MCHR2: variants seen among roughly 807,000 people sequenced by gnomAD.
MCHR2 encodes the protein melanin-concentrating hormone receptor 2.
Under a neutral mutation model 24.8 loss-of-function variants are expected in MCHR2, and 15 were observed. That is an observed-to-expected ratio of 0.60 (90% CI 0.40 to 0.93). MCHR2 has a LOEUF of 0.93. Among genes scored for constraint, MCHR2 ranks in the 40% least tolerant of loss-of-function variants. The pLI is 0.00. For synonymous variants in MCHR2, 151 were observed against 147.6 expected (o/e 1.02, Z -0.17); for missense variants, 386 against 408.7 (o/e 0.94, Z 0.48).
intron 5 of MCHR2, among the ~76,000 whole-genome samples, chr6:99,928,207 A>G (rs1774414179): frequency 6.6e-6 from 1 of 152,314 alleles, no homozygotes; most frequent in Admixed American, 6.5e-5. Flanking sequence ...ATGGTGGATA[A>G]GCTTTTTGAT....
intron 1 of MCHR2, among the ~76,000 whole-genome samples, chr6:99,991,808 CAAAAAAA>C (rs3038469): frequency 4.9e-5 from 4 of 82,060 alleles, no homozygotes; most frequent in South Asian, 5.7e-4. Context: ...GACTCCGTCT[CAAAAAAA>C]AAAAAAAAAA....
chr6:99,918,795 C>T lies in MCHR2; in HGVS notation c.*2145G>A, dbSNP rs181879604. On this transcript the variant is annotated 3_prime_UTR_variant, in exon 6 of 6. Coordinates refer to ENST00000281806, the MANE Select transcript of MCHR2 (RefSeq NM_001040179.2). The stretch of plus-strand genomic sequence containing the variant: ...GGGACAAAAATAAATTTATTAATCA[C>T]CCTTTTTATTTTCTACTTTGATTAA... Among the ~76,000 whole-genome samples the T allele has an allele frequency of 6.6e-6, 1 of 152,186 alleles. No individual in the cohort carries two copies.
intron 1 of MCHR2, among the ~76,000 whole-genome samples, chr6:99,981,629 T>C (rs1042750545): frequency 1.3e-5 from 2 of 152,200 alleles, no homozygotes; most frequent in African/African-American, 4.8e-5. Flanking sequence ...AAGGCTGTTG[T>C]GAGGAAATGA....
At chr6:99,947,715 C>G in intron 3 of MCHR2, 47 bp downstream of exon 3, 1 of 1,573,262 alleles carries the variant, frequency 6.4e-7, no homozygotes, top group South Asian at 1.2e-5. Flanking sequence ...TGGGGAAGCA[C>G]AGGCACCTCT....
At chr6:99,969,313 A>G (rs527633772) in intron 1 of MCHR2, among the ~76,000 whole-genome samples, 1 of 151,942 alleles carries the variant, frequency 6.6e-6, no homozygotes, top group South Asian at 2.1e-4. Context: ...CTCTCTACTA[A>G]AAATACAAAA....
chr6:99,934,576 A>G, intron 4 of MCHR2, 59 bp from the exon 5 acceptor site: 16 of 1,415,416 alleles, frequency 1.1e-5, no homozygotes, highest in Non-Finnish European at 1.4e-5. Context: ...CATTAATTGG[A>G]TTAGGAATTG....
In MCHR2 at chr6:99,923,756, C is replaced by A. The variant is rs1236550227; in HGVS notation, c.708-2501G>T. Among the ~76,000 whole-genome samples the A allele has an allele frequency of 2.6e-5, 4 of 152,026 alleles. No homozygotes were observed. The East Asian group carries it at 7.7e-4, about 29-fold the overall frequency. On this transcript the variant is annotated intron_variant, in intron 5 of 5. Coordinates refer to ENST00000281806, the MANE Select transcript of MCHR2 (RefSeq NM_001040179.2). Reference sequence around the variant, plus strand: ...ACATACGTTGAATCATCCTGGCACCCCTGGGATAAATCCCACTTGGTCATG... The same window carrying A: ...ACATACGTTGAATCATCCTGGCACCACTGGGATAAATCCCACTTGGTCATG...
Position 99,918,759 on chromosome 6 carries a change from C to T in MCHR2, c.*2181G>A, listed in dbSNP as rs4560657. Among the ~76,000 whole-genome samples the T allele has an allele frequency of 0.17, 25,473 of 152,026 alleles. 2,310 individuals are homozygous for T. The highest frequency in any genetic ancestry group is 0.2 in the African/African-American group (8,176 of 41,484). ...ATATAAATATGCTTATGCATAGAAA[C>T]GCTATATAAAGGGACAAAAATAAAT... On this transcript the variant is annotated 3_prime_UTR_variant, in exon 6 of 6. Transcript: ENST00000281806.
chr6:99,988,575 A>G (rs921334824), intron 1 of MCHR2, among the ~76,000 whole-genome samples: 1 of 152,124 alleles, frequency 6.6e-6, no homozygotes, highest in African/African-American at 2.4e-5. Flanking sequence ...AATAATCTCA[A>G]TTCATCCCCC....
intron 4 of MCHR2, among the ~76,000 whole-genome samples, chr6:99,937,209 G>A (rs1582377732): frequency 6.6e-6 from 1 of 151,796 alleles, no homozygotes; most frequent in Non-Finnish European, 1.5e-5. Flanking sequence ...TCTTTCTCTT[G>A]CCTAATTGCT....
At chr6:99,947,161 A>G (rs1252294897) in intron 3 of MCHR2, among the ~76,000 whole-genome samples, 1 of 152,196 alleles carries the variant, frequency 6.6e-6, no homozygotes, top group South Asian at 2.1e-4. Flanking sequence ...CATTTCTAAT[A>G]ATATAAAATA....
intron 4 of MCHR2, 35 bp from the exon 5 acceptor site, chr6:99,934,552 GAAC>G (rs1330650142): frequency 1.4e-6 from 2 of 1,434,194 alleles, no homozygotes; most frequent in Non-Finnish European, 9.3e-7. Context: ...GAGAGAGAAA[GAAC>G]AACACCATTA....
intron 3 of MCHR2, among the ~76,000 whole-genome samples, chr6:99,944,833 G>T (rs1774844857): frequency 6.6e-6 from 1 of 152,124 alleles, no homozygotes; most frequent in Non-Finnish European, 1.5e-5. Flanking sequence ...ATGATCCACA[G>T]GTCTTTTTTC....
At chr6:99,941,662 G>A (rs1017244364) in intron 4 of MCHR2, among the ~76,000 whole-genome samples, 2 of 152,136 alleles carry the variant, frequency 1.3e-5, no homozygotes, top group African/African-American at 4.8e-5. Context: ...AGGACAAAAT[G>A]AGAAGTTGGC....
In MCHR2 at chr6:99,955,954, G is replaced by A. The variant is rs201540212; in HGVS notation, c.182+12C>T. 6.7e-7 allele frequency: 1 copy of A among 1,491,714 alleles called. No individual in the cohort carries two copies. Among genetic ancestry groups the A allele is most frequent in the Non-Finnish European group, 8.9e-7 (1 of 1,120,280 alleles). The allele number at this position is 1,491,714 out of a possible 1,614,324, so 92.4% of individuals were successfully genotyped here. Reference sequence around the variant, plus strand: ...ATGGAAGGAAAAAAAAAAAAAAGGAGCCATTCCTTACCTTATTATAGTGAA... The same window carrying A: ...ATGGAAGGAAAAAAAAAAAAAAGGAACCATTCCTTACCTTATTATAGTGAA... On this transcript the variant is annotated intron_variant, in intron 2 of 5. Transcript: ENST00000281806.
intron 1 of MCHR2, among the ~76,000 whole-genome samples, chr6:99,960,881 A>C (rs529254434): frequency 6.6e-6 from 1 of 152,324 alleles, no homozygotes; most frequent in Non-Finnish European, 1.5e-5. Context: ...AAAACCCTAG[A>C]AGAAAACCTA....
At chr6:99,956,283 C>T (rs930909766) in intron 1 of MCHR2, 109 bp from the exon 2 acceptor site, 1 of 734,914 alleles carries the variant, frequency 1.4e-6, no homozygotes, top group Non-Finnish European at 2.1e-6. Context: ...ACCAAGATTC[C>T]ATGGAACACA....
intron 1 of MCHR2, among the ~76,000 whole-genome samples, chr6:99,961,570 G>A (rs1775189128): frequency 6.6e-6 from 1 of 152,082 alleles, no homozygotes; most frequent in African/African-American, 2.4e-5. Flanking sequence ...CATGGATGAA[G>A]CTGGAAACCA....
chr6:99,921,354 T>C (rs1774226959), intron 5 of MCHR2, 99 bp from the exon 6 acceptor site: 2 of 994,146 alleles, frequency 2.0e-6, no homozygotes, highest in Admixed American at 2.4e-5. Flanking sequence ...AATGGCTTTG[T>C]AGTGAAATAT....
Sources: allele counts gnomAD v4.1 joint callset (sites outside exome capture counted in the v4.1 genomes callset), GRCh38; gene constraint gnomAD v4.1.1; transcripts MANE v1.5; gene names NCBI Gene and HGNC (gene_info 2026-07-23, HGNC 2026-07-21).